The following EXOC4 variants were observed in gnomAD, a reference collection of about 807,000 sequenced individuals.
EXOC4 encodes the protein SEC8-like 1.
A neutral mutation model predicts 107.2 loss-of-function variants in EXOC4; 71 were observed. The ratio of observed to expected loss-of-function variants is 0.66; its 90% confidence interval spans 0.55 to 0.81. EXOC4 has a LOEUF of 0.81. Among genes scored for constraint, EXOC4 ranks in the 30% least tolerant of loss-of-function variants. The pLI, the probability that EXOC4 is intolerant of heterozygous loss-of-function variation, is 0.00. For synonymous variants in EXOC4, 456 were observed against 441.2 expected, an observed-to-expected ratio of 1.03 and a Z score of -0.42; for missense variants, 1,108 against 1,189.6, an observed-to-expected ratio of 0.93 and a Z score of 1.01.
rs80129185 is a variant in EXOC4 at position 133,822,839 on chromosome 7, G to A, written c.1734+5295G>A. Among the ~76,000 whole-genome samples the A allele has an allele frequency of 1.2e-4, 18 of 152,290 alleles. No homozygotes were observed. The East Asian group carries it at 3.1e-3, about 26-fold the overall frequency. On this transcript the variant is annotated intron_variant, in intron 11 of 17. Coordinates refer to ENST00000253861, the MANE Select transcript of EXOC4 (RefSeq NM_021807.4). Reference sequence around the variant, plus strand: ...GATACCCAGCGTGAAGTTAGGAAACGGGATCTAATGTTGTGGGGTTTTAGC... The same window carrying A: ...GATACCCAGCGTGAAGTTAGGAAACAGGATCTAATGTTGTGGGGTTTTAGC...
chr7:133,543,205 G>C (rs1800414448), intron 9 of EXOC4, among the ~76,000 whole-genome samples: 2 of 140,546 alleles, frequency 1.4e-5, no homozygotes, highest in African/African-American at 6.5e-5. Flanking sequence ...AATATACTTT[G>C]TGTATAAGTT....
intron 10 of EXOC4, among the ~76,000 whole-genome samples, chr7:133,739,181 C>T (rs774564308): frequency 6.0e-5 from 9 of 150,212 alleles, no homozygotes; most frequent in Non-Finnish European, 1.2e-4. Flanking sequence ...TGAAGTTTAT[C>T]GTGACATCTA....
intron 7 of EXOC4, among the ~76,000 whole-genome samples, chr7:133,418,316 T>G (rs1797525310): frequency 6.6e-6 from 1 of 152,214 alleles, no homozygotes; most frequent in Non-Finnish European, 1.5e-5. Flanking sequence ...AATGGCAAAG[T>G]GGCTTCATTC....
At chr7:133,335,638 G>A (rs1795495210) in intron 5 of EXOC4, among the ~76,000 whole-genome samples, 1 of 152,158 alleles carries the variant, frequency 6.6e-6, no homozygotes, top group African/African-American at 2.4e-5. Context: ...GTGGTGCTGT[G>A]AACATGAGTG....
rs192503809 is a variant in EXOC4 at position 133,805,142 on chromosome 7, C to T, written c.1515-12183C>T. 8.4e-4 allele frequency among the ~76,000 whole-genome samples: 128 copies of T among 152,274 alleles called. No homozygotes were observed. In the East Asian group the frequency reaches 0.017, roughly 21 times the overall value. ...AGAGAAAAACAGGTAGAAAAAAAGA[C>T]TAATGCTATGAAGTTAAATAGTTCA... On this transcript the variant is annotated intron_variant, in intron 10 of 17. Coordinates refer to ENST00000253861, the MANE Select transcript of EXOC4 (RefSeq NM_021807.4).
chr7:133,282,357 A>G (rs1794176225), intron 2 of EXOC4, among the ~76,000 whole-genome samples: 1 of 152,232 alleles, frequency 6.6e-6, no homozygotes, highest in African/African-American at 2.4e-5. Context: ...TGAAGTTACT[A>G]AAACTCTGAG....
intron 10 of EXOC4, among the ~76,000 whole-genome samples, chr7:133,652,912 A>G (rs924695204): frequency 6.6e-6 from 1 of 152,250 alleles, no homozygotes; most frequent in African/African-American, 2.4e-5. Flanking sequence ...GACTTAAAAT[A>G]TCAGCCTGCT....
At chr7:133,785,198 A>G (rs1796543671) in intron 10 of EXOC4, among the ~76,000 whole-genome samples, 1 of 152,152 alleles carries the variant, frequency 6.6e-6, no homozygotes, top group Admixed American at 6.5e-5. Context: ...ATACCTGACA[A>G]TTATGTTCTT....
At chr7:133,402,050 G>A (rs1219958043) in intron 7 of EXOC4, among the ~76,000 whole-genome samples, 1 of 152,194 alleles carries the variant, frequency 6.6e-6, no homozygotes, top group African/African-American at 2.4e-5. Context: ...AGCCCTTGGG[G>A]AAGCTGGAAG....
chr7:133,859,684 T>C (rs1312248529), intron 11 of EXOC4, among the ~76,000 whole-genome samples: 1 of 152,186 alleles, frequency 6.6e-6, no homozygotes, highest in East Asian at 1.9e-4. Flanking sequence ...GTTTTGGCTT[T>C]TTTAGAGAGC....
chr7:133,758,472 T>C (rs1351250943), intron 10 of EXOC4, among the ~76,000 whole-genome samples: 3 of 152,184 alleles, frequency 2.0e-5, no homozygotes, highest in Non-Finnish European at 4.4e-5. Context: ...TGGTTACTTA[T>C]TGAATGCTTA....
chr7:133,329,971 T>C (rs1795342463), intron 5 of EXOC4, among the ~76,000 whole-genome samples: 1 of 152,190 alleles, frequency 6.6e-6, no homozygotes, highest in African/African-American at 2.4e-5. Flanking sequence ...TCTGTTGCTC[T>C]CTTCAGAGCC....
intron 1 of EXOC4, among the ~76,000 whole-genome samples, chr7:133,264,518 T>C (rs1378530897): frequency 6.6e-6 from 1 of 152,154 alleles, no homozygotes; most frequent in African/African-American, 2.4e-5. Context: ...AATTAAGAAA[T>C]AAGCAATCAC....
At chr7:134,079,924 C>T in the EXOC4 span, among the ~76,000 whole-genome samples, 1 of 152,210 alleles carries the variant, frequency 6.6e-6, no homozygotes, top group Non-Finnish European at 1.5e-5. Flanking sequence ...GGATGCTAGT[C>T]CAAACAGGCT....
At chr7:133,995,350 A>G (rs965899832) in intron 14 of EXOC4, among the ~76,000 whole-genome samples, 1 of 152,184 alleles carries the variant, frequency 6.6e-6, no homozygotes, top group Non-Finnish European at 1.5e-5. Context: ...GTGAGACTTC[A>G]AAGTCCAATT....
chr7:133,260,178 C>CTGTT (rs777760507), intron 1 of EXOC4, among the ~76,000 whole-genome samples: 27 of 151,912 alleles, frequency 1.8e-4, no homozygotes, highest in Non-Finnish European at 3.7e-4. Context: ...ACTTTCTAGT[C>CTGTT]TGTTCCATTC....
chr7:133,287,988 A>G (rs1229998640), intron 2 of EXOC4, among the ~76,000 whole-genome samples: 1 of 152,222 alleles, frequency 6.6e-6, no homozygotes, highest in Non-Finnish European at 1.5e-5. Flanking sequence ...GCCAAAACTT[A>G]CCACGTGGTA....
intron 10 of EXOC4, among the ~76,000 whole-genome samples, chr7:133,651,514 C>A (rs928814614): frequency 3.9e-5 from 6 of 152,200 alleles, no homozygotes; most frequent in Non-Finnish European, 8.8e-5. Context: ...TGGAAATAGG[C>A]TTTGGATCAC....
intron 10 of EXOC4, among the ~76,000 whole-genome samples, chr7:133,778,500 C>T (rs1796393121): frequency 6.6e-6 from 1 of 152,130 alleles, no homozygotes; most frequent in Non-Finnish European, 1.5e-5. Flanking sequence ...GGGAGGATGG[C>T]TTGGGCCCAG....
Sources: allele counts gnomAD v4.1 joint callset (sites outside exome capture counted in the v4.1 genomes callset), GRCh38; gene constraint gnomAD v4.1.1; transcripts MANE v1.5; gene names NCBI Gene and HGNC (gene_info 2026-07-23, HGNC 2026-07-21).